Variants in KHNYN observed in about 807,000 individuals in gnomAD.
KHNYN encodes protein KHNYN.
Under a neutral mutation model 62.7 loss-of-function variants are expected in KHNYN, and 42 were observed. That is an observed-to-expected ratio of 0.67 (90% confidence interval 0.52 to 0.87). The LOEUF (loss-of-function observed/expected upper bound fraction) is 0.87. Ranked by LOEUF, KHNYN falls within the 40% of genes least tolerant of loss-of-function variation. The pLI is 0.00. For synonymous variants in KHNYN, 347 were observed against 345.6 expected, an observed-to-expected ratio of 1.00 and a Z score of -0.04; for missense variants, 829 against 874.1, an observed-to-expected ratio of 0.95 and a Z score of 0.65.
At position 24,432,442 on chromosome 14, in the gene KHNYN, G is replaced by T. The variant is rs771736626; in HGVS notation, c.1181G>T (p.Arg394Leu). The T allele has an allele frequency of 6.2e-7, 1 of 1,613,478 alleles. No individual in the cohort carries two copies. Among genetic ancestry groups the T allele is most frequent in the South Asian group, 1.1e-5 (1 of 91,080 alleles). Residue 394 changes from arginine (R) to leucine (L), a missense_variant, in exon 3 of 8, where the codon CGG becomes CTG. Physicochemically the swap from Arg to Leu is moderately radical, Grantham distance 102. Around this residue, in one of 2 missense-constraint regions of KHNYN, gnomAD observed 559 missense variants for 527.0 expected, o/e 1.06. Coordinates refer to ENST00000553935, the MANE Select transcript of KHNYN (RefSeq NM_015299.3). The surrounding 1 kb of genome is among the most constrained non-coding windows in gnomAD (Gnocchi z 5.6). Reference protein sequence around the residue: ...DRGDKQQGMARGRGPQWKRGA... With the variant: ...DRGDKQQGMALGRGPQWKRGA... ...GGAGACAAGCAGCAGGGCATGGCACGGGGTCGGGGGCCTCAATGGAAACGA... is the reference window on the plus strand; with the variant it reads ...GGAGACAAGCAGCAGGGCATGGCACTGGGTCGGGGGCCTCAATGGAAACGA...
chr14:24,430,939 CCTT>C lies in KHNYN; in HGVS notation c.201+11_201+13del, dbSNP rs763729689. ...AACGCCAGCAGAGCCAAGGTGAACG[CCTT>C]CTCTCCCCCATCCCTCCAGGCACCA... On this transcript the variant is annotated intron_variant, in intron 2 of 7. Coordinates refer to ENST00000553935, the MANE Select transcript of KHNYN (RefSeq NM_015299.3). The C allele has an allele frequency of 3.1e-6, 5 of 1,607,758 alleles. No individual in the cohort carries two copies. The South Asian group carries it at 4.4e-5, about 14-fold the overall frequency.
Position 24,438,018 on chromosome 14 carries a change from A to G in KHNYN, c.*733A>G, listed in dbSNP as rs2043234872. On this transcript the variant is annotated 3_prime_UTR_variant, in exon 8 of 8. Coordinates refer to ENST00000553935, the MANE Select transcript of KHNYN (RefSeq NM_015299.3). ...TCTAACCGAAACCTCACTTTCAGAGAGATGTGGGTCCTTTGTCTCCAGGAT... is the reference window on the plus strand; with the variant it reads ...TCTAACCGAAACCTCACTTTCAGAGGGATGTGGGTCCTTTGTCTCCAGGAT... 6.6e-6 allele frequency: 1 copy of G among 152,320 alleles called. No individual in the cohort carries two copies. Among genetic ancestry groups the G allele is most frequent in the South Asian group, 2.1e-4 (1 of 4,812 alleles). The allele number at this position is 152,320 out of a possible 1,614,324, so 9.4% of individuals were successfully genotyped here. A position where few individuals can be genotyped will look rare whatever the true frequency, so the allele number is the denominator to read the frequency against.
rs578062065 is a variant in KHNYN, at chr14:24,433,806, G to A, written c.1577+774G>A. On this transcript the variant is annotated intron_variant, in intron 5 of 7. Transcript: ENST00000553935. The stretch of plus-strand genomic sequence containing the variant: ...CAGAGTGGTTACCTGTCTTAGCAAA[G>A]GGGAATTAGACCTCAAAGCTGCCAG... Among the ~76,000 whole-genome samples, 4 of 152,272 alleles carry A rather than the reference G, an allele frequency of 2.6e-5. No homozygotes were observed. In the South Asian group the frequency reaches 8.3e-4, roughly 32 times the overall value.
At position 24,437,219 on chromosome 14, in the gene KHNYN, G is replaced by A. The variant is rs2043220682; in HGVS notation, c.1971G>A (p.Leu657=). ...AGGATCACAAAGTGGACTTCATCCT[G>A]CAGCGGGAGCCATACTGCCGGGACA... The part of the protein sequence containing the change: ...WGQDHKVDFI[L]QREPYCRDIN... The change falls in exon 8 of 8, where the codon CTG becomes CTA. Residue 657 remains leucine, a synonymous_variant. Transcript: ENST00000553935. This position sits in a 1 kb window ranked among gnomAD's most constrained non-coding sequence, Gnocchi z 5.5. 1 of 1,614,190 alleles carries A rather than the reference G, an allele frequency of 6.2e-7. No homozygotes were observed. Among genetic ancestry groups the A allele is most frequent in the Non-Finnish European group, 8.5e-7 (1 of 1,180,034 alleles).
In KHNYN at chr14:24,431,764, T is replaced by G; in HGVS notation, c.503T>G (p.Leu168Arg). The G allele has an allele frequency of 6.2e-7, 1 of 1,614,192 alleles. No homozygotes were observed. The highest frequency in any genetic ancestry group is 1.7e-5 in the Admixed American group (1 of 60,032). ...TGVLRDFSAL[L>R]QSPGDAHREA... ...GTGCTGAGAGACTTCTCTGCCCTGC[T>G]GCAGTCCCCGGGGGATGCCCATAGA... Residue 168 changes from leucine (L) to arginine (R), a missense_variant, in exon 3 of 8, where the codon CTG (leucine) becomes CGG (arginine). Coordinates refer to ENST00000553935, the MANE Select transcript of KHNYN (RefSeq NM_015299.3).
At chr14:24,427,922 C>G, upstream of KHNYN, 1 of 1,613,946 alleles carries the variant, frequency 6.2e-7, no homozygotes, top group African/African-American at 1.3e-5. This position sits in a 1 kb window ranked among gnomAD's most constrained non-coding sequence, Gnocchi z 4.4. Context: ...GGCTGCCTCC[C>G]GGGTCACGTC....
Position 24,432,746 on chromosome 14 carries a change from C to T in KHNYN, c.1374C>T (p.Ser458=), listed in dbSNP as rs1298305238. Residue 458 remains serine (S), a synonymous_variant, in exon 4 of 8, where the codon TCC becomes TCT. Transcript: ENST00000553935. This position sits in a 1 kb window ranked among gnomAD's most constrained non-coding sequence, Gnocchi z 5.6. ...GGCATGGCCTCCAGCACTACTTCTC[C>T]AGCCGGGGCATTGCCATTGCTGTGC... The part of the protein sequence containing the change: ...AMVHGLQHYF[S]SRGIAIAVQY... The T allele has an allele frequency of 3.1e-6, 5 of 1,614,200 alleles. No individual in the cohort carries two copies. The highest frequency in any genetic ancestry group is 3.4e-6 in the Non-Finnish European group (4 of 1,180,042).
At position 24,432,123 on chromosome 14, in the gene KHNYN, A is replaced by G. The variant is rs776395374; in HGVS notation, c.862A>G (p.Arg288Gly). 1 of 1,551,240 alleles carries G rather than the reference A, an allele frequency of 6.4e-7. No individual in the cohort carries two copies. The highest frequency in any genetic ancestry group is 8.7e-7 in the Non-Finnish European group (1 of 1,148,086). Residue 288 changes from arginine to glycine, a missense_variant, in exon 3 of 8, where the codon AGG becomes GGG. This residue lies in a region of KHNYN where 559 missense variants were observed against 527.0 expected (regional missense o/e 1.06). Transcript: ENST00000553935. This position sits in a 1 kb window ranked among gnomAD's most constrained non-coding sequence, Gnocchi z 5.6. ...GGCGTGGGAGAGAGAAGTGGCCCTC[A>G]GGCCACAGTCAGTGGGTGGAGGGGC... ...EEAWEREVAL[R>G]PQSVGGGARE...
chr14:24,435,790 C>A, intron 5 of KHNYN: 1 of 468,338 alleles, frequency 2.1e-6, no homozygotes, highest in Non-Finnish European at 3.8e-6. Flanking sequence ...TTGCCTGTAG[C>A]TGGGTCAAGG....
Position 24,437,478 on chromosome 14 carries a change from C to T in KHNYN, c.*193C>T. ...CCGAGTCAGGACCTCAGCCAGCTCT[C>T]AAGAGGTTCTGCTCAGCCTTAACTT... On this transcript the variant is annotated 3_prime_UTR_variant, in exon 8 of 8. Coordinates refer to ENST00000553935, the MANE Select transcript of KHNYN (RefSeq NM_015299.3). The surrounding 1 kb of genome is among the most constrained non-coding windows in gnomAD (Gnocchi z 5.5). The T allele has an allele frequency of 3.2e-6, 2 of 623,924 alleles. No homozygotes were observed. Among genetic ancestry groups the T allele is most frequent in the Non-Finnish European group, 5.4e-6 (2 of 370,308 alleles). The allele number at this position is 623,924 out of a possible 1,614,324, so 38.6% of individuals were successfully genotyped here. A position where few individuals can be genotyped will look rare whatever the true frequency, so the allele number is the denominator to read the frequency against.
Position 24,440,618 on chromosome 14 carries a change from C to T in KHNYN, c.*3333C>T. 2 of 1,367,292 alleles carry T rather than the reference C, an allele frequency of 1.5e-6. No individual in the cohort carries two copies. The highest frequency in any genetic ancestry group is 2.0e-6 in the Non-Finnish European group (2 of 990,036). The allele number at this position is 1,367,292 out of a possible 1,614,324, so 84.7% of individuals were successfully genotyped here. Reference sequence around the variant, plus strand: ...GACTTGGCTCTGTAACAGAAGTGAGCAGTATGGCTGTCTTTAAGACCTCAC... The same window carrying T: ...GACTTGGCTCTGTAACAGAAGTGAGTAGTATGGCTGTCTTTAAGACCTCAC... On this transcript the variant is annotated 3_prime_UTR_variant, in exon 8 of 8. Coordinates refer to ENST00000553935, the MANE Select transcript of KHNYN (RefSeq NM_015299.3).
In KHNYN at chr14:24,440,628, G is replaced by A; in HGVS notation, c.*3343G>A. 2 of 1,354,280 alleles carry A rather than the reference G, an allele frequency of 1.5e-6. No homozygotes were observed. Among genetic ancestry groups the A allele is most frequent in the Non-Finnish European group, 2.0e-6 (2 of 976,930 alleles). The allele number at this position is 1,354,280 out of a possible 1,614,324, so 83.9% of individuals were successfully genotyped here. A position where few individuals can be genotyped will look rare whatever the true frequency, so the allele number is the denominator to read the frequency against. On this transcript the variant is annotated 3_prime_UTR_variant, in exon 8 of 8. Coordinates refer to ENST00000553935, the MANE Select transcript of KHNYN (RefSeq NM_015299.3). ...TGTAACAGAAGTGAGCAGTATGGCT[G>A]TCTTTAAGACCTCACACCTTCTCAT...
chr14:24,436,396 C>A lies in KHNYN; in HGVS notation c.1694C>A (p.Pro565His). Reference protein sequence around the residue: ...WMAIIRERLLPFTFVGNLFMV... With the variant: ...WMAIIRERLLHFTFVGNLFMV... ...TATCTTTCGCCATCCAGCCTGCTGC[C>A]CTTTACCTTTGTGGGAAACCTCTTC... Residue 565 changes from proline to histidine, a missense_variant, in exon 7 of 8, where the codon CCC (proline) becomes CAC (histidine). Transcript: ENST00000553935. 1 of 1,613,966 alleles carries A rather than the reference C, an allele frequency of 6.2e-7. No homozygotes were observed. Among genetic ancestry groups the A allele is most frequent in the Non-Finnish European group, 8.5e-7 (1 of 1,179,886 alleles).
upstream of KHNYN, chr14:24,428,724 C>T (rs747678229): frequency 1.3e-6 from 2 of 1,542,902 alleles, no homozygotes; most frequent in East Asian, 2.3e-5. Flanking sequence ...AGGGTCTTTC[C>T]AGGTCCCCTG....
chr14:24,436,049 G>T lies in KHNYN; in HGVS notation c.1578-23G>T, dbSNP rs771909170. 7.5e-6 allele frequency: 12 copies of T among 1,589,522 alleles called. No individual in the cohort carries two copies. The African/African-American group carries it at 1.2e-4, about 16-fold the overall frequency. On this transcript the variant is annotated intron_variant, in intron 5 of 7. Coordinates refer to ENST00000553935, the MANE Select transcript of KHNYN (RefSeq NM_015299.3). ...GTAGGTAATTTTTCAACCCTCTCTC[G>T]GTTGCTGTGGTTTTGGAGACAGGTT... is the stretch of plus-strand genomic sequence containing the variant.
Position 24,431,925 on chromosome 14 carries a change from C to T in KHNYN, c.664C>T (p.Gln222Ter). The T allele has an allele frequency of 6.2e-7, 1 of 1,613,918 alleles. No individual in the cohort carries two copies. Among genetic ancestry groups the T allele is most frequent in the Non-Finnish European group, 8.5e-7 (1 of 1,179,918 alleles). ...CTCAGCCTTGCTGGGTGCTCAGTGC[C>T]AAGGAGTGAGAGCTCCCCCTAGTGA... ...RSSALLGAQC[Q>*]GVRAPPSDGR... The change falls in exon 3 of 8, where the codon CAA becomes TAA. Residue 222 changes from glutamine (Q) to a stop codon, truncating the protein, a stop_gained. Coordinates refer to ENST00000553935, the MANE Select transcript of KHNYN (RefSeq NM_015299.3). LOFTEE classifies it high-confidence loss of function.
chr14:24,427,792 G>T (rs1421424632), upstream of KHNYN: 1 of 1,613,758 alleles, frequency 6.2e-7, no homozygotes, highest in Non-Finnish European at 8.5e-7. The surrounding 1 kb of genome is among the most constrained non-coding windows in gnomAD (Gnocchi z 4.4). Context: ...TGGGTCCTCA[G>T]AGAGGGAAGA....
Position 24,440,060 on chromosome 14 carries a change from C to T in KHNYN, c.*2775C>T. ...ACCTGGAAGCCTGTGAGGAACAGGC[C>T]TCAGGCCCTTGCCACGACCTACTTA... On this transcript the variant is annotated 3_prime_UTR_variant, in exon 8 of 8. Coordinates refer to ENST00000553935, the MANE Select transcript of KHNYN (RefSeq NM_015299.3). 1 of 1,566,558 alleles carries T rather than the reference C, an allele frequency of 6.4e-7. No homozygotes were observed. Among genetic ancestry groups the T allele is most frequent in the Non-Finnish European group, 8.7e-7 (1 of 1,151,590 alleles).
At chr14:24,434,078 A>G (rs4982912) in intron 5 of KHNYN, 658,997 of 926,648 alleles carry the variant, frequency 0.71, 236,842 homozygotes, top group Middle Eastern at 0.76. Context: ...CGTTCTCCCA[A>G]TGTTATTCTA....
Sources: gnomAD v4.1 joint callset for allele counts (sites outside exome capture counted in the v4.1 genomes callset) on GRCh38, gnomAD v4.1.1 for gene constraint, gnomAD v4.1.1 regional missense constraint, Gnocchi (gnomAD v3.1) non-coding constraint, MANE v1.5 for transcripts, NCBI Gene and HGNC (gene_info 2026-07-23, HGNC 2026-07-21) for gene names.